The following RCN3 variants were observed in gnomAD, a reference collection of about 807,000 sequenced individuals.
RCN3 encodes reticulocalbin 3.
Under a neutral mutation model 35.9 loss-of-function variants are expected in RCN3, and 41 were observed. That is an observed-to-expected ratio of 1.14 (90% CI 0.89 to 1.48). RCN3 has a LOEUF of 1.48. Among genes scored for constraint, RCN3 ranks in the 40% most tolerant of loss-of-function variants. RCN3 has a pLI of 0.00. For missense variants in RCN3, 451 were observed against 471.3 expected (o/e 0.96, Z 0.40); for synonymous variants, 187 against 193.4 (o/e 0.97, Z 0.27).
chr19:49,534,597 T>C (rs1312249508), intron 3 of RCN3, among the ~76,000 whole-genome samples: 1 of 152,172 alleles, frequency 6.6e-6, no homozygotes, highest in African/African-American at 2.4e-5. Context: ...TGCTTATTTT[T>C]CTGGTATTTA....
chr19:49,542,686 G>A lies in RCN3; in HGVS notation c.813G>A (p.Leu271=), dbSNP rs776061104. 4.4e-6 allele frequency: 7 copies of A among 1,597,074 alleles called. No homozygotes were observed. The Admixed American group carries it at 1.1e-4, about 24-fold the overall frequency. ...LDGSEVGHWV[L]PPAQDQPLVE... is the part of the protein sequence containing the mutation. ...GGAGTGAGGTGGGCCACTGGGTGCT[G>A]CCCCCTGCCCAGGACCAGCCCCTGG... The change falls in exon 6 of 7, where the codon CTG becomes CTA. Residue 271 remains leucine (L), a synonymous_variant. Transcript: ENST00000270645.
chr19:49,528,600 C>T lies in RCN3; in HGVS notation c.128C>T (p.Ala43Val). ...CACCAGGCGGCCCCCCTGAGCGACGCTCCCCATGATGACGCCCACGGGAAC... is the reference window on the plus strand; with the variant it reads ...CACCAGGCGGCCCCCCTGAGCGACGTTCCCCATGATGACGCCCACGGGAAC... ...RVHQAAPLSDAPHDDAHGNFQ... is the reference protein window; with the variant it reads ...RVHQAAPLSDVPHDDAHGNFQ... Residue 43 changes from alanine (A) to valine (V), a missense_variant, in exon 2 of 7, where the codon GCT (alanine) becomes GTT (valine). Coordinates refer to ENST00000270645, the MANE Select transcript of RCN3 (RefSeq NM_020650.3). The T allele has an allele frequency of 1.9e-6, 3 of 1,611,628 alleles. No individual in the cohort carries two copies. The highest frequency in any genetic ancestry group is 2.5e-6 in the Non-Finnish European group (3 of 1,178,960).
rs752386349 is a variant in RCN3, at chr19:49,542,585, G to A, written c.712G>A (p.Glu238Lys). The A allele has an allele frequency of 1.2e-6, 2 of 1,607,480 alleles. No homozygotes were observed. The highest frequency in any genetic ancestry group is 1.7e-4 in the Middle Eastern group (1 of 6,046). The change falls in exon 6 of 7, where the codon GAG (glutamate) becomes AAG (lysine). Residue 238 changes from glutamate (E) to lysine (K), a missense_variant. By Grantham distance (56) the Glu-to-Lys change is moderately conservative. Transcript: ENST00000270645. ...DLYSAEPGEE[E>K]PAWVQTERQQ... ...GTACTCAGCCGAGCCTGGGGAGGAG[G>A]AGCCGGCGTGGGTGCAGACGGAGAG...
At chr19:49,529,818 G>A (rs879387140) in intron 2 of RCN3, among the ~76,000 whole-genome samples, 2 of 151,718 alleles carry the variant, frequency 1.3e-5, no homozygotes, top group Non-Finnish European at 2.9e-5. Context: ...GTGCAGTGGT[G>A]CGATCTCGGC....
Position 49,542,539 on chromosome 19 carries a change from G to A in RCN3, c.680-14G>A. The A allele has an allele frequency of 6.4e-7, 1 of 1,568,410 alleles. No homozygotes were observed. The highest frequency in any genetic ancestry group is 8.6e-7 in the Non-Finnish European group (1 of 1,156,586). ...AGCTGCCCCTGACCTTGTCCCCTCTGTCCCGGCCCCCAGCGGATCTGTACT... is the reference window on the plus strand; with the variant it reads ...AGCTGCCCCTGACCTTGTCCCCTCTATCCCGGCCCCCAGCGGATCTGTACT... On this transcript the variant is annotated splice_polypyrimidine_tract_variant and intron_variant, in intron 5 of 6. Coordinates refer to ENST00000270645, the MANE Select transcript of RCN3 (RefSeq NM_020650.3).
chr19:49,539,093 A>G, intron 4 of RCN3, 26 bp from the exon 5 acceptor site: 1 of 1,564,466 alleles, frequency 6.4e-7, no homozygotes, highest in Non-Finnish European at 8.6e-7. Flanking sequence ...ATCGGCCCCC[A>G]GCCTCAATGC....
intron 1 of RCN3, 55 bp downstream of exon 1, chr19:49,528,113 C>T (rs1487154031): frequency 1.8e-4 from 42 of 233,804 alleles, no homozygotes; most frequent in Non-Finnish European, 4.9e-5. Flanking sequence ...GGGTCGAGGA[C>T]CAGGGTCCGG....
chr19:49,538,759 G>A (rs73582475), intron 4 of RCN3, among the ~76,000 whole-genome samples: 2 of 152,140 alleles, frequency 1.3e-5, no homozygotes, highest in East Asian at 1.9e-4. Context: ...GCAGAGGTAG[G>A]TTCTAGGCTC....
chr19:49,528,732 T>C lies in RCN3; in HGVS notation c.242+18T>C, dbSNP rs1185625843. On this transcript the variant is annotated intron_variant, in intron 2 of 6. Transcript: ENST00000270645. ...CGTCTGGGGTAAGAGAGACATTCGG[T>C]TGGGGCGTGTCCAGAGGTGGGGCTT... is the stretch of plus-strand genomic sequence containing the variant. 3 of 1,553,118 alleles carry C rather than the reference T, an allele frequency of 1.9e-6. No individual in the cohort carries two copies. Among genetic ancestry groups the C allele is most frequent in the Admixed American group, 1.9e-5 (1 of 53,014 alleles).
rs780253147 is a variant in RCN3 at position 49,539,152 on chromosome 19, G to T, written c.652G>T (p.Gly218Cys). 6 of 1,610,294 alleles carry T rather than the reference G, an allele frequency of 3.7e-6. No homozygotes were observed. In the South Asian group the frequency reaches 6.6e-5, roughly 18 times the overall value. ...TLEDLDRNKD[G>C]YVQVEEYIAD... is the part of the protein sequence containing the mutation. ...GGAGGACCTGGACAGAAACAAAGAT[G>T]GCTATGTCCAGGTGGAGGAGTACAT... The change falls in exon 5 of 7, where the codon GGC becomes TGC. Residue 218 changes from glycine to cysteine, a missense_variant. Physicochemically the swap from Gly to Cys is radical, Grantham distance 159. Coordinates refer to ENST00000270645, the MANE Select transcript of RCN3 (RefSeq NM_020650.3).
In RCN3 at chr19:49,532,501, G is replaced by T. The variant is rs560412777; in HGVS notation, c.243-1692G>T. 2.9e-4 allele frequency among the ~76,000 whole-genome samples: 44 copies of T among 151,636 alleles called. No individual in the cohort carries two copies. In the East Asian group the frequency reaches 7.9e-3, roughly 27 times the overall value. ...AGCAATTCTCCTGCCTCAGCCTCCCGAGTAGTGGATATTACAGGCATCCAC... is the reference window on the plus strand; with the variant it reads ...AGCAATTCTCCTGCCTCAGCCTCCCTAGTAGTGGATATTACAGGCATCCAC... On this transcript the variant is annotated intron_variant, in intron 2 of 6. Transcript: ENST00000270645.
intron 2 of RCN3, among the ~76,000 whole-genome samples, chr19:49,530,446 A>G (rs2080103013): frequency 6.7e-6 from 1 of 149,058 alleles, no homozygotes. Flanking sequence ...GCTGGAATTA[A>G]TGCGTGAGCC....
At chr19:49,529,455 G>T (rs149574891) in intron 2 of RCN3, among the ~76,000 whole-genome samples, 1 of 152,168 alleles carries the variant, frequency 6.6e-6, no homozygotes, top group Non-Finnish European at 1.5e-5. Flanking sequence ...CTGAGCGCAG[G>T]GGGGCGCGAT....
At chr19:49,528,131 G>A in intron 1 of RCN3, 73 bp downstream of exon 1, 1 of 271,232 alleles carries the variant, frequency 3.7e-6, no homozygotes, top group East Asian at 6.2e-5. Flanking sequence ...CGGACTGGGA[G>A]CAATGACGGG....
In RCN3 at chr19:49,528,650, C is replaced by T. The variant is rs774326276; in HGVS notation, c.178C>T (p.Leu60=). The T allele has an allele frequency of 9.3e-6, 15 of 1,611,850 alleles. No homozygotes were observed. The South Asian group carries it at 1.5e-4, about 17-fold the overall frequency. ...GNFQYDHEAF[L]GREVAKEFDQ... ...CTTCCAGTACGACCATGAGGCTTTCCTGGGACGGGAAGTGGCCAAGGAATT... is the reference window on the plus strand; with the variant it reads ...CTTCCAGTACGACCATGAGGCTTTCTTGGGACGGGAAGTGGCCAAGGAATT... The change falls in exon 2 of 7, where the codon CTG becomes TTG. Residue 60 remains leucine (L), a synonymous_variant. Transcript: ENST00000270645.
chr19:49,532,919 G>A (rs2080115997), intron 2 of RCN3, among the ~76,000 whole-genome samples: 1 of 151,396 alleles, frequency 6.6e-6, no homozygotes, highest in Admixed American at 6.6e-5. Flanking sequence ...CAAGTGATTC[G>A]CCTGTCTTGG....
At chr19:49,543,075 T>C in intron 6 of RCN3, 31 bp from the exon 7 acceptor site, 1 of 1,574,064 alleles carries the variant, frequency 6.4e-7, no homozygotes, top group South Asian at 1.1e-5. Flanking sequence ...AGGGCCGTGT[T>C]GTCCCCTCTG....
chr19:49,536,928 C>G, intron 3 of RCN3, 105 bp from the exon 4 acceptor site: 1 of 1,114,796 alleles, frequency 9.0e-7, no homozygotes, highest in Non-Finnish European at 1.2e-6. Context: ...CTTATTAACT[C>G]CACAGAAATC....
At chr19:49,539,482 T>G (rs1407947604) in intron 5 of RCN3, among the ~76,000 whole-genome samples, 3 of 147,904 alleles carry the variant, frequency 2.0e-5, no homozygotes, top group Non-Finnish European at 4.4e-5. Context: ...GACAAATCCC[T>G]TCTTGGGGGT....
Sources: allele counts gnomAD v4.1 joint callset (sites outside exome capture counted in the v4.1 genomes callset), GRCh38; gene constraint gnomAD v4.1.1; transcripts MANE v1.5; gene names NCBI Gene and HGNC (gene_info 2026-07-23, HGNC 2026-07-21).